MAP3K5: variants seen among roughly 807,000 people sequenced by gnomAD.
The protein encoded by MAP3K5 is mitogen-activated protein kinase kinase kinase 5, also known as ASK-1.
In MAP3K5, 56 loss-of-function variants were observed where a neutral mutation model predicts 158.7. The ratio of observed to expected loss-of-function variants is 0.35; its 90% confidence interval spans 0.28 to 0.44. MAP3K5 has a LOEUF of 0.44. Ranked by LOEUF, MAP3K5 falls within the 20% of genes least tolerant of loss-of-function variation. The pLI, the probability that MAP3K5 is intolerant of heterozygous loss-of-function variation, is 1.00. For missense variants in MAP3K5, 1,294 were observed against 1,674.8 expected, an observed-to-expected ratio of 0.77 and a Z score of 3.97; for synonymous variants, 579 against 601.7, an observed-to-expected ratio of 0.96 and a Z score of 0.55.
intron 8 of MAP3K5, among the ~76,000 whole-genome samples, chr6:136,665,130 T>C (rs1779171848): frequency 6.6e-6 from 1 of 152,170 alleles, no homozygotes; most frequent in Non-Finnish European, 1.5e-5. Flanking sequence ...AGCTTTGGTA[T>C]CATGTAAAAG....
intron 1 of MAP3K5, among the ~76,000 whole-genome samples, chr6:136,781,080 A>G (rs973753893): frequency 6.6e-6 from 1 of 152,224 alleles, no homozygotes; most frequent in Admixed American, 6.5e-5. Flanking sequence ...GGGAAACTGC[A>G]TCAGACTCCA....
Position 136,637,369 on chromosome 6 carries a change from C to T in MAP3K5, c.1972G>A (p.Gly658Arg), listed in dbSNP as rs1305339619. 1.2e-6 allele frequency: 2 copies of T among 1,612,520 alleles called. No homozygotes were observed. Residue 658 changes from glycine to arginine, a missense_variant, in exon 14 of 30, where the codon GGG (glycine) becomes AGG (arginine). By Grantham distance (125) the Gly-to-Arg change is moderately radical (BLOSUM62 -2). Around this residue, in one of 5 missense-constraint regions of MAP3K5, gnomAD observed 690 missense variants for 870.5 expected, o/e 0.79. Coordinates refer to ENST00000359015, the MANE Select transcript of MAP3K5 (RefSeq NM_005923.4). ...CAGTCTCCTTCCTCTGTGCTTCTCC[C>T]CTTCTCTTCGGTAATGGTGTTCACC... ...EMVNTITEEK[G>R]RSTEEGDCES...
Position 136,690,433 on chromosome 6 carries a change from C to CAA in MAP3K5, c.1253+3706_1253+3707insTT, listed in dbSNP as rs1482311343. Among the ~76,000 whole-genome samples, 240 of 152,218 alleles carry CAA rather than the reference C, an allele frequency of 1.6e-3. 1 individual carries two copies. Among genetic ancestry groups the CAA allele is most frequent in the African/African-American group, 5.5e-3 (227 of 41,524 alleles). ...CAACTTTCCTCAATAATGCCAAAAT[C>CAA]TTTTAAGTGCGTATAGAAATTTATG... On this transcript the variant is annotated intron_variant, in intron 7 of 29. Coordinates refer to ENST00000359015, the MANE Select transcript of MAP3K5 (RefSeq NM_005923.4).
chr6:136,719,774 G>C (rs1048225216), intron 2 of MAP3K5, among the ~76,000 whole-genome samples: 4 of 152,168 alleles, frequency 2.6e-5, no homozygotes, highest in African/African-American at 7.2e-5. Flanking sequence ...AAAGGAAATG[G>C]ATGATGGCAA....
At chr6:136,757,746 C>G (rs1424756939) in intron 1 of MAP3K5, among the ~76,000 whole-genome samples, 2 of 151,880 alleles carry the variant, frequency 1.3e-5, no homozygotes, top group African/African-American at 4.8e-5. Context: ...GCCACCACAC[C>G]CAGCTATTTT....
chr6:136,653,202 A>C (rs1410673640), intron 10 of MAP3K5, among the ~76,000 whole-genome samples: 1 of 152,192 alleles, frequency 6.6e-6, no homozygotes, highest in East Asian at 1.9e-4. Context: ...AGGAAAGGAA[A>C]TATACCAAGA....
At chr6:136,650,508 A>G (rs549348631) in intron 11 of MAP3K5, among the ~76,000 whole-genome samples, 1 of 152,376 alleles carries the variant, frequency 6.6e-6, no homozygotes, top group African/African-American at 2.4e-5. Flanking sequence ...TGTGCACAGC[A>G]CACTGAGTCA....
At chr6:136,775,682 G>A (rs1405629610) in intron 1 of MAP3K5, among the ~76,000 whole-genome samples, 1 of 152,220 alleles carries the variant, frequency 6.6e-6, no homozygotes, top group East Asian at 1.9e-4. Flanking sequence ...AGTCCAATGT[G>A]TCTAATGATG....
rs561704891 is a variant in MAP3K5 at position 136,727,857 on chromosome 6, G to T, written c.449-7268C>A. Among the ~76,000 whole-genome samples the T allele has an allele frequency of 2.0e-5, 3 of 152,232 alleles. No individual in the cohort carries two copies. The East Asian group carries it at 5.8e-4, about 29-fold the overall frequency. On this transcript the variant is annotated intron_variant, in intron 1 of 29. Coordinates refer to ENST00000359015, the MANE Select transcript of MAP3K5 (RefSeq NM_005923.4). ...GGTGCCTGTAGTCCCAGCTACTCGG[G>T]AGGCTGAGGCAGGAGAATGGGGTGA...
intron 14 of MAP3K5, among the ~76,000 whole-genome samples, chr6:136,635,588 T>C (rs1469978012): frequency 6.6e-6 from 1 of 151,494 alleles, no homozygotes; most frequent in East Asian, 1.9e-4. Flanking sequence ...ACGGGCAGAG[T>C]TAACAACTAG....
intron 1 of MAP3K5, among the ~76,000 whole-genome samples, chr6:136,728,001 T>C (rs562908022): frequency 6.6e-6 from 1 of 152,140 alleles, no homozygotes; most frequent in Non-Finnish European, 1.5e-5. Flanking sequence ...AAGTTAGTCA[T>C]TTAAAAGTAT....
At chr6:136,648,897 G>A (rs1245560686) in intron 11 of MAP3K5, among the ~76,000 whole-genome samples, 1 of 152,228 alleles carries the variant, frequency 6.6e-6, no homozygotes, top group African/African-American at 2.4e-5. Flanking sequence ...TCACATACGT[G>A]AGGTCTGAAA....
chr6:136,673,991 G>C (rs1337736542), intron 7 of MAP3K5, among the ~76,000 whole-genome samples: 7 of 152,022 alleles, frequency 4.6e-5, no homozygotes. Flanking sequence ...CGAAAACACA[G>C]TGGAAAATCT....
intron 2 of MAP3K5, among the ~76,000 whole-genome samples, chr6:136,714,212 G>A (rs984054788): frequency 2.6e-5 from 4 of 152,184 alleles, no homozygotes; most frequent in Admixed American, 6.5e-5. Flanking sequence ...TCTGGAATCC[G>A]AGTAGATTCT....
chr6:136,700,410 C>A (rs1275291952), intron 3 of MAP3K5, among the ~76,000 whole-genome samples: 1 of 152,090 alleles, frequency 6.6e-6, no homozygotes, highest in Non-Finnish European at 1.5e-5. Flanking sequence ...AAGGGTAAGG[C>A]ATCAAAGGCA....
intron 14 of MAP3K5, among the ~76,000 whole-genome samples, chr6:136,633,251 T>C (rs1777458338): frequency 6.6e-6 from 1 of 151,652 alleles, no homozygotes; most frequent in African/African-American, 2.4e-5. Context: ...ATACAAAAAT[T>C]AGCTGGGCAT....
At chr6:136,775,385 A>T (rs1278555069) in intron 1 of MAP3K5, among the ~76,000 whole-genome samples, 3 of 152,252 alleles carry the variant, frequency 2.0e-5, no homozygotes, top group African/African-American at 7.2e-5. Flanking sequence ...AGTCATTAGA[A>T]GCTTGTAACC....
intron 1 of MAP3K5, among the ~76,000 whole-genome samples, chr6:136,766,893 T>C (rs1418079767): frequency 2.0e-5 from 3 of 152,008 alleles, no homozygotes; most frequent in African/African-American, 7.3e-5. Flanking sequence ...AAAATCAGAG[T>C]CTTTACACAG....
chr6:136,758,251 T>C (rs1468363511), intron 1 of MAP3K5, among the ~76,000 whole-genome samples: 3 of 152,242 alleles, frequency 2.0e-5, no homozygotes, highest in Admixed American at 6.5e-5. Context: ...TTTGTTCTTA[T>C]ATAATATTTT....
Sources: allele counts gnomAD v4.1 joint callset (sites outside exome capture counted in the v4.1 genomes callset), GRCh38; gene constraint gnomAD v4.1.1; regional missense constraint gnomAD v4.1.1; transcripts MANE v1.5; gene names NCBI Gene and HGNC (gene_info 2026-07-23, HGNC 2026-07-21).